Variants in KMT2A observed in about 807,000 individuals in gnomAD.
The protein encoded by KMT2A is lysine methyltransferase 2A.
Under a neutral mutation model 345.3 loss-of-function variants are expected in KMT2A, and 16 were observed. The ratio of observed to expected loss-of-function variants is 0.05; its 90% CI spans 0.03 to 0.07. KMT2A has a LOEUF of 0.07. KMT2A is among the 10% of genes least tolerant of loss of function. The pLI, the probability that KMT2A is intolerant of heterozygous loss-of-function variation, is 1.00. For missense variants in KMT2A, 3,272 were observed against 4,841.6 expected (o/e 0.68, Z 9.62); for synonymous variants, 1,599 against 1,778.6 (o/e 0.90, Z 2.54).
rs1054007871 is a variant in KMT2A at position 118,460,375 on chromosome 11, G to A, written c.433-8400G>A. Among the ~76,000 whole-genome samples, 43 of 150,252 alleles carry A rather than the reference G, an allele frequency of 2.9e-4. No homozygotes were observed. The East Asian group carries it at 7.3e-3, about 26-fold the overall frequency. ...ACGATCTCAGCCCACTGCAACCTCCGTCCCCCAGGCTCAGGGATCCTCCTA... is the reference window on the plus strand; with the variant it reads ...ACGATCTCAGCCCACTGCAACCTCCATCCCCCAGGCTCAGGGATCCTCCTA... On this transcript the variant is annotated intron_variant, in intron 1 of 35. Coordinates refer to ENST00000534358, the MANE Select transcript of KMT2A (RefSeq NM_001197104.2).
rs782184234 is a variant in KMT2A at position 118,473,626 on chromosome 11, C to G, written c.2467C>G (p.Pro823Ala). Residue 823 changes from proline to alanine, a missense_variant, in exon 3 of 36, where the codon CCG becomes GCG. Physicochemically the swap from Pro to Ala is conservative, Grantham distance 27. Around this residue, in one of 27 missense-constraint regions of KMT2A, gnomAD observed 209 missense variants for 237.4 expected, o/e 0.88. Coordinates refer to ENST00000534358, the MANE Select transcript of KMT2A (RefSeq NM_001197104.2). This position sits in a 1 kb window ranked among gnomAD's most constrained non-coding sequence, Gnocchi z 5.2. ...NQRPRKQTSA[P>A]AEPFSSSSPT... is the part of the protein sequence containing the mutation. ...GAGACCAAGGAAGCAGACTAGTGCTCCGGCAGAGCCATTTTCATCAAGTAG... is the reference window on the plus strand; with the variant it reads ...GAGACCAAGGAAGCAGACTAGTGCTGCGGCAGAGCCATTTTCATCAAGTAG... 19 of 1,613,962 alleles carry G rather than the reference C, an allele frequency of 1.2e-5. No homozygotes were observed. Among genetic ancestry groups the G allele is most frequent in the South Asian group, 2.2e-5 (2 of 91,082 alleles).
Position 118,490,015 on chromosome 11 carries a change from A to G in KMT2A, c.4576-114A>G. On this transcript the variant is annotated intron_variant, in intron 12 of 35. Transcript: ENST00000534358. The surrounding 1 kb of genome is among the most constrained non-coding windows in gnomAD (Gnocchi z 4.2). ...CAATCTTTTTGCCTCATTACTAGGA[A>G]ATCATCTCAGCAGAGAAATTAAATC... is the stretch of plus-strand genomic sequence containing the variant. 1 of 1,434,504 alleles carries G rather than the reference A, an allele frequency of 7.0e-7. No individual in the cohort carries two copies. 88.9% of individuals were successfully genotyped at this position (1,434,504 alleles called of 1,614,324 possible).
chr11:118,480,107 G>T lies in KMT2A; in HGVS notation c.3570-67G>T. 4 of 1,262,336 alleles carry T rather than the reference G, an allele frequency of 3.2e-6. No homozygotes were observed. The South Asian group carries it at 3.6e-5, about 11-fold the overall frequency. The allele number at this position is 1,262,336 out of a possible 1,614,324, so 78.2% of individuals were successfully genotyped here. A position where few individuals can be genotyped will look rare whatever the true frequency, so the allele number is the denominator to read the frequency against. On this transcript the variant is annotated intron_variant, in intron 5 of 35. Transcript: ENST00000534358. Reference sequence around the variant, plus strand: ...ATTCACTGATTGTTGCAGACAAAATGAACACTTGTTTCAGTGCTTTTCTTC... The same window carrying T: ...ATTCACTGATTGTTGCAGACAAAATTAACACTTGTTTCAGTGCTTTTCTTC...
rs782459865 is a variant in KMT2A at position 118,436,833 on chromosome 11, G to A, written c.321G>A (p.Arg107=). The A allele has an allele frequency of 7.5e-6, 12 of 1,606,706 alleles. No homozygotes were observed. In the South Asian group the frequency reaches 7.8e-5, roughly 10 times the overall value. Residue 107 remains arginine, a synonymous_variant, in exon 1 of 36, where the codon CGG becomes CGA. Transcript: ENST00000534358. The surrounding 1 kb of genome is among the most constrained non-coding windows in gnomAD (Gnocchi z 6.9). The stretch of plus-strand genomic sequence containing the variant: ...CCTCTTCAGGGCCGGCCCTGCTCCG[G>A]GTGGGCCCGGGCTTCGACGCGGCGC... ...SSASSGPALL[R]VGPGFDAALQ...
At chr11:118,489,137 C>T (rs568835875) in intron 11 of KMT2A, among the ~76,000 whole-genome samples, 6 of 148,068 alleles carry the variant, frequency 4.1e-5, no homozygotes, top group Non-Finnish European at 7.4e-5. Context: ...GGAGGAAAAT[C>T]GCTTGAACTT....
chr11:118,505,733 T>C lies in KMT2A; in HGVS notation c.9841T>C (p.Ser3281Pro). 6.2e-7 allele frequency: 1 copy of C among 1,614,166 alleles called. No individual in the cohort carries two copies. ...AGATTTGGGGTCACTTAATACTTCA[T>C]CTCACCGAACTGTCCCCAACATCAT... ...LLDLGSLNTS[S>P]HRTVPNIIKR... Residue 3281 changes from serine (S) to proline (P), a missense_variant, in exon 27 of 36, where the codon TCT (serine) becomes CCT (proline). Ser to Pro is a moderately conservative substitution (Grantham distance 74). Coordinates refer to ENST00000534358, the MANE Select transcript of KMT2A (RefSeq NM_001197104.2). The surrounding 1 kb of genome is among the most constrained non-coding windows in gnomAD (Gnocchi z 4.6).
chr11:118,494,394 T>C lies in KMT2A; in HGVS notation c.5285T>C (p.Ile1762Thr). 5.3e-6 allele frequency: 8 copies of C among 1,522,426 alleles called. No homozygotes were observed. The highest frequency in any genetic ancestry group is 1.4e-5 in the African/African-American group (1 of 73,094). The allele number at this position is 1,522,426 out of a possible 1,614,324, so 94.3% of individuals were successfully genotyped here. The change falls in exon 17 of 36, where the codon ATT (isoleucine) becomes ACT (threonine). Residue 1762 changes from isoleucine (I) to threonine (T), a missense_variant. Around this residue, in one of 27 missense-constraint regions of KMT2A, gnomAD observed 235 missense variants for 503.4 expected, o/e 0.47. Transcript: ENST00000534358. The surrounding 1 kb of genome is among the most constrained non-coding windows in gnomAD (Gnocchi z 5.8). Reference protein sequence around the residue: ...KANSMVKSFFIRQMERVFPWF... With the variant: ...KANSMVKSFFTRQMERVFPWF... The stretch of plus-strand genomic sequence containing the variant: ...AACAGCATGGTCAAGTCCTTCTTCA[T>C]TCGGGTGAATGATATTACTAATTCA...
chr11:118,483,767 C>T (rs1950182996), intron 8 of KMT2A, among the ~76,000 whole-genome samples: 1 of 152,144 alleles, frequency 6.6e-6, no homozygotes, highest in South Asian at 2.1e-4. Context: ...TGTGGTGGCT[C>T]ACATCTATAA....
chr11:118,513,270 G>A (rs1950728737), intron 31 of KMT2A, among the ~76,000 whole-genome samples: 1 of 151,506 alleles, frequency 6.6e-6, no homozygotes, highest in African/African-American at 2.4e-5. Flanking sequence ...AGAAGAAGAA[G>A]GTTTTAATTA....
In KMT2A at chr11:118,495,698, A is replaced by G. The variant is rs781984541; in HGVS notation, c.5364-2A>G. 26 of 1,602,572 alleles carry G rather than the reference A, an allele frequency of 1.6e-5. No individual in the cohort carries two copies. The highest frequency in any genetic ancestry group is 2.2e-5 in the Non-Finnish European group (26 of 1,173,774). ...AATGCTTGTTGAATCAATTATTTTC[A>G]GCAGTGGGATGTTACCAAACGCAGT... On this transcript the variant is annotated splice_acceptor_variant, in intron 18 of 35. Coordinates refer to ENST00000534358, the MANE Select transcript of KMT2A (RefSeq NM_001197104.2). LOFTEE classifies it high-confidence loss of function. This position sits in a 1 kb window ranked among gnomAD's most constrained non-coding sequence, Gnocchi z 4.1.
In KMT2A at chr11:118,473,204, T is replaced by C; in HGVS notation, c.2045T>C (p.Leu682Pro). 2 of 1,613,432 alleles carry C rather than the reference T, an allele frequency of 1.2e-6. No homozygotes were observed. Among genetic ancestry groups the C allele is most frequent in the Middle Eastern group, 1.7e-4 (1 of 6,058 alleles). Residue 682 changes from leucine (L) to proline (P), a missense_variant, in exon 3 of 36, where the codon CTC (leucine) becomes CCC (proline). Physicochemically the swap from Leu to Pro is moderately conservative, Grantham distance 98. Around this residue, in one of 27 missense-constraint regions of KMT2A, gnomAD observed 114 missense variants for 203.2 expected, o/e 0.56. Transcript: ENST00000534358. This position sits in a 1 kb window ranked among gnomAD's most constrained non-coding sequence, Gnocchi z 5.2. ...TAASARLFSP[L>P]HSGTRFDMHK... ...GCTTCAGCCCGATTGTTTTCGCCAC[T>C]CCATTCTGGAACAAGGTTTGATATG...
At chr11:118,445,417 A>G (rs1301784938) in intron 1 of KMT2A, among the ~76,000 whole-genome samples, 1 of 152,122 alleles carries the variant, frequency 6.6e-6, no homozygotes, top group African/African-American at 2.4e-5. Context: ...TGTTCCTGAT[A>G]TTTTTATGAG....
chr11:118,519,477 G>A lies in KMT2A; in HGVS notation c.11147-141G>A, dbSNP rs1950908009. ...AGCATCATTTTAATGGCTATCTGAT[G>A]CTAATTTCGAGCTAATATGTACTAT... On this transcript the variant is annotated intron_variant, in intron 31 of 35. Coordinates refer to ENST00000534358, the MANE Select transcript of KMT2A (RefSeq NM_001197104.2). 1.4e-5 allele frequency: 9 copies of A among 656,874 alleles called. No individual in the cohort carries two copies. In the Admixed American group the frequency reaches 2.2e-4, roughly 16 times the overall value. 40.7% of individuals were successfully genotyped at this position (656,874 alleles called of 1,614,324 possible). A position where few individuals can be genotyped will look rare whatever the true frequency, so the allele number is the denominator to read the frequency against.
rs1555036397 is a variant in KMT2A, at chr11:118,473,357, A to T, written c.2198A>T (p.Asn733Ile). 2 of 1,614,020 alleles carry T rather than the reference A, an allele frequency of 1.2e-6. No homozygotes were observed. The highest frequency in any genetic ancestry group is 1.3e-5 in the African/African-American group (1 of 75,020). ...GGAACATCTTCTTCAGGAGTATCCA[A>T]TAGAAAAAGGAAAAGAAAAGTGTTT... ...SAGTSSSGVS[N>I]RKRKRKVFSP... The change falls in exon 3 of 36, where the codon AAT becomes ATT. Residue 733 changes from asparagine to isoleucine, a missense_variant. Coordinates refer to ENST00000534358, the MANE Select transcript of KMT2A (RefSeq NM_001197104.2). This position sits in a 1 kb window ranked among gnomAD's most constrained non-coding sequence, Gnocchi z 5.2.
At chr11:118,489,939 G>A (rs1009658237) in intron 12 of KMT2A, 52 bp downstream of exon 12, 11 of 1,527,212 alleles carry the variant, frequency 7.2e-6, no homozygotes, top group Non-Finnish European at 1.0e-5. Flanking sequence ...GTGACTATTG[G>A]ACTTATGTAA....
chr11:118,499,980 C>A, intron 24 of KMT2A, 67 bp downstream of exon 24: 1 of 1,044,148 alleles, frequency 9.6e-7, no homozygotes, highest in South Asian at 1.3e-5. Context: ...ATGTGCAGGT[C>A]ATTAAATGTA....
At chr11:118,447,636 TA>T in intron 1 of KMT2A, 1 of 453,658 alleles carries the variant, frequency 2.2e-6, no homozygotes, top group Admixed American at 2.4e-5. Flanking sequence ...TTCCTCAACT[TA>T]AAAGGGATGA....
Position 118,472,820 on chromosome 11 carries a change from A to G in KMT2A, c.1661A>G (p.Gln554Arg), listed in dbSNP as rs1555036115. 1 of 1,613,762 alleles carries G rather than the reference A, an allele frequency of 6.2e-7. No individual in the cohort carries two copies. The highest frequency in any genetic ancestry group is 8.5e-7 in the Non-Finnish European group (1 of 1,179,942). The change falls in exon 3 of 36, where the codon CAG becomes CGG. Residue 554 changes from glutamine to arginine, a missense_variant. Gln to Arg is a conservative substitution (Grantham distance 43). Transcript: ENST00000534358. ...TTATCAACTCTACAAAGTGCCCCCC[A>G]GCAGCAGACCTCCTCGTCTCCACCT... is the stretch of plus-strand genomic sequence containing the variant. ...KKLSTLQSAP[Q>R]QQTSSSPPPP...
At position 118,509,165 on chromosome 11, in the gene KMT2A, T is replaced by A. The variant is rs2134427094; in HGVS notation, c.10865T>A (p.Val3622Glu). The change falls in exon 29 of 36, where the codon GTG becomes GAG. Residue 3622 changes from valine (V) to glutamate (E), a missense_variant. Around this residue, in one of 27 missense-constraint regions of KMT2A, gnomAD observed 748 missense variants for 922.2 expected, o/e 0.81. Coordinates refer to ENST00000534358, the MANE Select transcript of KMT2A (RefSeq NM_001197104.2). ...GTCGCTGTTCTTCCGGAAGTTCAGG[T>A]GACCCAAAATCCAGCAAATGAACAA... ...GQVAVLPEVQVTQNPANEQES... is the reference protein window; with the variant it reads ...GQVAVLPEVQETQNPANEQES... 6.2e-7 allele frequency: 1 copy of A among 1,613,922 alleles called. No individual in the cohort carries two copies. The highest frequency in any genetic ancestry group is 8.5e-7 in the Non-Finnish European group (1 of 1,179,914).
Sources: allele counts gnomAD v4.1 joint callset (sites outside exome capture counted in the v4.1 genomes callset), GRCh38; gene constraint gnomAD v4.1.1; regional missense constraint gnomAD v4.1.1; non-coding constraint Gnocchi (gnomAD v3.1); transcripts MANE v1.5; gene names NCBI Gene and HGNC (gene_info 2026-07-23, HGNC 2026-07-21).